The following PCDH15 variants were observed in gnomAD, a reference collection of about 807,000 sequenced individuals.
PCDH15 encodes protocadherin related 15.
A neutral mutation model predicts 178.5 loss-of-function variants in PCDH15; 129 were observed. The observed-to-expected ratio is 0.72, with a 90% CI of 0.63 to 0.84. PCDH15 has a LOEUF of 0.84. PCDH15 is among the 40% of genes least tolerant of loss of function. The probability of loss-of-function intolerance (pLI) is 0.00; values close to 1 mark genes in which losing one functional copy is unlikely to be tolerated. For missense variants in PCDH15, 2,230 were observed against 2,099.9 expected (o/e 1.06, Z -1.21); for synonymous variants, 800 against 732.0 (o/e 1.09, Z -1.50).
At chr10:54,309,792 C>CA (rs1023785133) in intron 8 of PCDH15, among the ~76,000 whole-genome samples, 32 of 147,346 alleles carry the variant, frequency 2.2e-4, no homozygotes, top group Non-Finnish European at 4.0e-4. Context: ...GACTCCATCT[C>CA]AAAAAAAGAA....
intron 2 of PCDH15, among the ~76,000 whole-genome samples, chr10:54,659,283 A>G (rs1373064985): frequency 1.3e-5 from 2 of 152,208 alleles, no homozygotes; most frequent in Non-Finnish European, 2.9e-5. Flanking sequence ...AAATGGATGT[A>G]ATAGACATCT....
At chr10:53,809,829 G>T (rs1240712032) in intron 37 of PCDH15, among the ~76,000 whole-genome samples, 2 of 152,090 alleles carry the variant, frequency 1.3e-5, no homozygotes, top group African/African-American at 4.8e-5. Context: ...AAATAAAAAA[G>T]AAAGAATTAT....
chr10:54,237,884 A>G (rs899437975), intron 8 of PCDH15, among the ~76,000 whole-genome samples: 1 of 152,204 alleles, frequency 6.6e-6, no homozygotes, highest in Non-Finnish European at 1.5e-5. Context: ...TGTACTGCAA[A>G]TCTTTTCAGA....
intron 15 of PCDH15, among the ~76,000 whole-genome samples, chr10:54,098,369 A>G (rs2094741644): frequency 6.6e-6 from 1 of 152,042 alleles, no homozygotes. Flanking sequence ...ATTTGCTATC[A>G]CCTTCATGAA....
At chr10:55,593,269 G>T (rs1364984294) in intron 2 of PCDH15, among the ~76,000 whole-genome samples, 1 of 151,954 alleles carries the variant, frequency 6.6e-6, no homozygotes, top group Admixed American at 6.6e-5. Context: ...TGAAACTTCC[G>T]AAAACGAAAA....
Position 54,483,041 on chromosome 10 carries a change from A to T in PCDH15, c.157+44771T>A, listed in dbSNP as rs144120171. On this transcript the variant is annotated intron_variant, in intron 3 of 37. Transcript: ENST00000644397. ...GAGTCAGGCAGACTAATAAAAGATAACAGTAGTCAAACAGTATAGAAACAA... is the reference window on the plus strand; with the variant it reads ...GAGTCAGGCAGACTAATAAAAGATATCAGTAGTCAAACAGTATAGAAACAA... Among the ~76,000 whole-genome samples, 3 of 151,990 alleles carry T rather than the reference A, an allele frequency of 2.0e-5. No homozygotes were observed. The East Asian group carries it at 5.8e-4, about 29-fold the overall frequency.
chr10:54,431,882 A>G (rs1023640231), intron 3 of PCDH15, among the ~76,000 whole-genome samples: 1 of 152,182 alleles, frequency 6.6e-6, no homozygotes, highest in Admixed American at 6.5e-5. Flanking sequence ...AAAATCTATT[A>G]GAACTGATAA....
At chr10:54,401,132 T>TGCC (rs1461970836) in intron 3 of PCDH15, among the ~76,000 whole-genome samples, 3 of 152,002 alleles carry the variant, frequency 2.0e-5, no homozygotes, top group Non-Finnish European at 4.4e-5. Context: ...TCAGAGATAG[T>TGCC]GCCTGGCTCT....
chr10:54,590,263 C>G (rs2091795183), intron 2 of PCDH15, among the ~76,000 whole-genome samples: 1 of 152,124 alleles, frequency 6.6e-6, no homozygotes, highest in Non-Finnish European at 1.5e-5. Flanking sequence ...AAGAACATAA[C>G]TGATTTGCTC....
intron 2 of PCDH15, among the ~76,000 whole-genome samples, chr10:54,951,879 T>C (rs1378587592): frequency 2.0e-5 from 3 of 151,892 alleles, no homozygotes; most frequent in Non-Finnish European, 2.9e-5. Context: ...CTTTTGTCCA[T>C]TAGGAATTGT....
intron 13 of PCDH15, among the ~76,000 whole-genome samples, chr10:54,157,876 CA>C (rs1328823597): frequency 3.9e-5 from 6 of 152,166 alleles, no homozygotes; most frequent in Non-Finnish European, 8.8e-5. Flanking sequence ...ATCTCTAGAG[CA>C]GGGGCAAAAT....
intron 2 of PCDH15, among the ~76,000 whole-genome samples, chr10:55,573,974 C>T (rs1282111674): frequency 6.6e-6 from 1 of 151,808 alleles, no homozygotes; most frequent in Non-Finnish European, 1.5e-5. Flanking sequence ...AGTGTGGTAT[C>T]CTTATTAATA....
chr10:54,349,778 T>G (rs1047105720), intron 5 of PCDH15, among the ~76,000 whole-genome samples: 1 of 152,206 alleles, frequency 6.6e-6, no homozygotes, highest in African/African-American at 2.4e-5. Flanking sequence ...AGATTGATAA[T>G]AGACCACAGG....
chr10:54,516,752 T>G (rs2082265143), intron 3 of PCDH15, among the ~76,000 whole-genome samples: 1 of 151,662 alleles, frequency 6.6e-6, no homozygotes, highest in Non-Finnish European at 1.5e-5. Flanking sequence ...CCAAGACACA[T>G]AATTGTCAGA....
At chr10:54,385,149 C>T (rs530268170) in intron 3 of PCDH15, among the ~76,000 whole-genome samples, 28 of 152,012 alleles carry the variant, frequency 1.8e-4, no homozygotes, top group Non-Finnish European at 7.4e-5. Context: ...ATATTTAAAA[C>T]CTTTTATTCC....
rs555288826 is a variant in PCDH15, at chr10:54,687,568, A to G, written c.-28-23278T>C. The stretch of plus-strand genomic sequence containing the variant: ...GGGCTTCTCTTTCTGTCCTTGTTGA[A>G]TCCAGTTTGAGCAAGATTCCTGTTA... On this transcript the variant is annotated intron_variant, in intron 1 of 37. Coordinates refer to ENST00000644397, the MANE Select transcript of PCDH15 (RefSeq NM_001384140.1). Among the ~76,000 whole-genome samples, 15 of 152,206 alleles carry G rather than the reference A, an allele frequency of 9.9e-5. No individual in the cohort carries two copies. In the South Asian group the frequency reaches 3.1e-3, roughly 32 times the overall value.
rs368190418 is a variant in PCDH15 at position 54,229,322 on chromosome 10, T to C, written c.985+7501A>G. ...TCATTTTCTATGTGATATATGAACA[T>C]TGAAAATTTAATGACTGATAAAATA... On this transcript the variant is annotated intron_variant, in intron 9 of 37. Coordinates refer to ENST00000644397, the MANE Select transcript of PCDH15 (RefSeq NM_001384140.1). 9.2e-5 allele frequency among the ~76,000 whole-genome samples: 14 copies of C among 152,330 alleles called. No individual in the cohort carries two copies. In the East Asian group the frequency reaches 1.7e-3, roughly 19 times the overall value.
chr10:54,458,898 C>G (rs1196580107), intron 3 of PCDH15, among the ~76,000 whole-genome samples: 1 of 152,128 alleles, frequency 6.6e-6, no homozygotes, highest in African/African-American at 2.4e-5. Flanking sequence ...TACTAGTGTA[C>G]AGCAGGTTCT....
intron 3 of PCDH15, among the ~76,000 whole-genome samples, chr10:54,503,903 C>T (rs1379801124): frequency 6.6e-6 from 1 of 152,066 alleles, no homozygotes; most frequent in East Asian, 1.9e-4. Context: ...AGGATCCCAA[C>T]AACTTGTTCC....
Sources: gnomAD v4.1 joint callset for allele counts (sites outside exome capture counted in the v4.1 genomes callset) on GRCh38, gnomAD v4.1.1 for gene constraint, MANE v1.5 for transcripts, NCBI Gene and HGNC (gene_info 2026-07-23, HGNC 2026-07-21) for gene names.